Variants in CELF1 observed in about 807,000 individuals in gnomAD.
The protein encoded by CELF1 is CUGBP Elav-like family member 1.
CELF1 carries 10 observed loss-of-function variants against 61.8 expected under a neutral mutation model. That is an observed-to-expected ratio of 0.16 (90% CI 0.10 to 0.27). The LOEUF is 0.27. CELF1 is among the 10% of genes least tolerant of loss of function. The probability of loss-of-function intolerance (pLI) is 1.00; values close to 1 mark genes in which losing one functional copy is unlikely to be tolerated. For synonymous variants in CELF1, 236 were observed against 225.1 expected (o/e 1.05, Z -0.43); for missense variants, 380 against 639.1 (o/e 0.59, Z 4.37).
Position 47,472,469 on chromosome 11 carries a change from G to A in CELF1, c.1418-112C>T, listed in dbSNP as rs182007849. ...TCATCTCAAATCCCAATTTTATTCA[G>A]CAGGGACAAGAAATCTGGACATTAT... On this transcript the variant is annotated intron_variant, in intron 14 of 14. Transcript: ENST00000687097. 3.2e-4 allele frequency: 373 copies of A among 1,179,608 alleles called. 1 individual carries two copies. The highest frequency in any genetic ancestry group is 1.0e-3 in the Middle Eastern group (5 of 5,002). 73.1% of individuals were successfully genotyped at this position (1,179,608 alleles called of 1,614,324 possible). A position where few individuals can be genotyped will look rare whatever the true frequency, so the allele number is the denominator to read the frequency against.
chr11:47,487,791 A>G (rs1055055853), intron 4 of CELF1, among the ~76,000 whole-genome samples: 4 of 152,244 alleles, frequency 2.6e-5, no homozygotes, highest in African/African-American at 9.6e-5. Context: ...CTCATCAAAT[A>G]TAATTAAGCT....
intron 1 of CELF1, among the ~76,000 whole-genome samples, chr11:47,539,462 G>A (rs1392159860): frequency 1.3e-5 from 2 of 152,062 alleles, no homozygotes; most frequent in South Asian, 2.1e-4. Context: ...GACCAGTCAC[G>A]GCTAACATGG....
In CELF1 at chr11:47,466,426, T is replaced by C. The variant is rs1214228969; in HGVS notation, c.*5804A>G. The C allele has an allele frequency of 1.3e-5, 2 of 152,202 alleles. No individual in the cohort carries two copies. The highest frequency in any genetic ancestry group is 4.8e-5 in the African/African-American group (2 of 41,456). 9.4% of individuals were successfully genotyped at this position (152,202 alleles called of 1,614,324 possible). Reference sequence around the variant, plus strand: ...TTTGGTCATAGTGGCAATTTTTTTTTCTCTTCACATTGTGAAATCACTTTA... The same window carrying C: ...TTTGGTCATAGTGGCAATTTTTTTTCCTCTTCACATTGTGAAATCACTTTA... On this transcript the variant is annotated 3_prime_UTR_variant, in exon 15 of 15. Transcript: ENST00000687097.
intron 2 of CELF1, among the ~76,000 whole-genome samples, chr11:47,560,536 T>A (rs1376395808): frequency 1.3e-5 from 2 of 152,152 alleles, no homozygotes; most frequent in Non-Finnish European, 2.9e-5. Flanking sequence ...AATAGGCAGA[T>A]CCACTGAGAC....
chr11:47,525,277 A>T (rs1188006156), intron 1 of CELF1, among the ~76,000 whole-genome samples: 1 of 152,216 alleles, frequency 6.6e-6, no homozygotes, highest in East Asian at 1.9e-4. Context: ...TGGCTTATAT[A>T]ACCAGAAGCC....
chr11:47,564,752 C>T (rs2097239318), intron 1 of CELF1, among the ~76,000 whole-genome samples: 2 of 152,186 alleles, frequency 1.3e-5, no homozygotes, highest in African/African-American at 2.4e-5. Context: ...GATCTTGCGA[C>T]TGCCCTCTAG....
intron 2 of CELF1, among the ~76,000 whole-genome samples, chr11:47,500,598 T>A (rs1009672106): frequency 2.0e-5 from 3 of 152,192 alleles, no homozygotes; most frequent in African/African-American, 7.2e-5. Context: ...AGTCTCTTCA[T>A]TCTCTTTTTC....
chr11:47,503,816 A>AT (rs1333387666), intron 1 of CELF1, among the ~76,000 whole-genome samples: 1 of 152,180 alleles, frequency 6.6e-6, no homozygotes, highest in African/African-American at 2.4e-5. Flanking sequence ...CAAACTGGTA[A>AT]TTATCTCTGT....
chr11:47,477,423 A>G lies in CELF1; in HGVS notation c.847T>C (p.Leu283=). 1 of 1,613,550 alleles carries G rather than the reference A, an allele frequency of 6.2e-7. No homozygotes were observed. The highest frequency in any genetic ancestry group is 8.5e-7 in the Non-Finnish European group (1 of 1,179,800). ...TLSSLHPMGG[L]NAMQLQNLAA... ...AAATTCTGTAACTGCATTGCATTCAACCCTACAACATCCAAAGCAAGAGAT... is the reference window on the plus strand; with the variant it reads ...AAATTCTGTAACTGCATTGCATTCAGCCCTACAACATCCAAAGCAAGAGAT... Residue 283 remains leucine, a splice_region_variant and synonymous_variant, in exon 11 of 15, where the codon TTG becomes CTG. Coordinates refer to ENST00000687097, the MANE Select transcript of CELF1 (RefSeq NM_001376376.1).
chr11:47,510,430 CGAT>C (rs1471908968), intron 1 of CELF1, among the ~76,000 whole-genome samples: 1 of 152,166 alleles, frequency 6.6e-6, no homozygotes, highest in Non-Finnish European at 1.5e-5. Flanking sequence ...GCCTGTGGCA[CGAT>C]GATGTTCAAT....
Position 47,467,169 on chromosome 11 carries a change from C to T in CELF1, c.*5061G>A, listed in dbSNP as rs753021761. On this transcript the variant is annotated 3_prime_UTR_variant, in exon 15 of 15. Coordinates refer to ENST00000687097, the MANE Select transcript of CELF1 (RefSeq NM_001376376.1). ...ACTTCCCAGCTCACCCACCCACCAGCAGCTTAAGTCTGGGTGGGATCTATC... is the reference window on the plus strand; with the variant it reads ...ACTTCCCAGCTCACCCACCCACCAGTAGCTTAAGTCTGGGTGGGATCTATC... The T allele has an allele frequency of 6.6e-5, 10 of 152,408 alleles. No homozygotes were observed. The highest frequency in any genetic ancestry group is 1.2e-4 in the Non-Finnish European group (8 of 68,250). 9.4% of individuals were successfully genotyped at this position (152,408 alleles called of 1,614,324 possible). A position where few individuals can be genotyped will look rare whatever the true frequency, so the allele number is the denominator to read the frequency against.
At chr11:47,527,957 G>A (rs1237115503) in intron 1 of CELF1, among the ~76,000 whole-genome samples, 7 of 152,080 alleles carry the variant, frequency 4.6e-5, no homozygotes, top group African/African-American at 1.7e-4. Context: ...TTAGCTGGGC[G>A]TGGTGGTGCA....
At chr11:47,534,771 G>A (rs571286352) in intron 1 of CELF1, among the ~76,000 whole-genome samples, 26 of 152,070 alleles carry the variant, frequency 1.7e-4, no homozygotes, top group Non-Finnish European at 3.4e-4. Context: ...AGAAGTATAA[G>A]TTCAATCTCC....
At chr11:47,504,265 T>C (rs988456761) in intron 1 of CELF1, among the ~76,000 whole-genome samples, 1 of 150,306 alleles carries the variant, frequency 6.7e-6, no homozygotes, top group African/African-American at 2.5e-5. Context: ...GGGAGGGGGG[T>C]TAAAGAAGAA....
Position 47,472,236 on chromosome 11 carries a change from G to A in CELF1, c.1539C>T (p.Pro513=), listed in dbSNP as rs769878391. ...GTCTCAGAGGGGAGCACGCTCAGTA[G>A]GGCTTGCTGTCATTCTTCGAACGTT... is the stretch of plus-strand genomic sequence containing the variant. ...QLKRSKNDSK[P]Y The change falls in exon 15 of 15, where the codon CCC becomes CCT. Residue 513 remains proline (P), a synonymous_variant. Transcript: ENST00000687097. The A allele has an allele frequency of 1.2e-6, 2 of 1,613,864 alleles. No homozygotes were observed. Among genetic ancestry groups the A allele is most frequent in the Non-Finnish European group, 1.7e-6 (2 of 1,180,006 alleles).
At chr11:47,507,005 A>C (rs2094557779) in intron 1 of CELF1, 1 of 152,240 alleles carries the variant, frequency 6.6e-6, no homozygotes, top group African/African-American at 2.4e-5. Flanking sequence ...CCATGGCAGA[A>C]GATAAAAATA....
chr11:47,550,477 G>A (rs1329587524), intron 1 of CELF1, among the ~76,000 whole-genome samples: 4 of 152,182 alleles, frequency 2.6e-5, no homozygotes, highest in South Asian at 2.1e-4. Flanking sequence ...TGTGCAGTGA[G>A]CACTCCAGTA....
At chr11:47,482,541 C>T (rs1347039568) in intron 9 of CELF1, 154 bp downstream of exon 9, 1 of 608,620 alleles carries the variant, frequency 1.6e-6, no homozygotes. Flanking sequence ...AAGAGACTAA[C>T]AGGACTAAAA....
chr11:47,545,086 C>CAGCCTGGCCA (rs1005190162), intron 1 of CELF1, among the ~76,000 whole-genome samples: 2 of 152,006 alleles, frequency 1.3e-5, no homozygotes, highest in East Asian at 3.9e-4. Context: ...AGTTCAAGAT[C>CAGCCTGGCCA]AGCCTGGCCA....
Sources: allele counts gnomAD v4.1 joint callset (sites outside exome capture counted in the v4.1 genomes callset), GRCh38; gene constraint gnomAD v4.1.1; transcripts MANE v1.5; gene names NCBI Gene and HGNC (gene_info 2026-07-23, HGNC 2026-07-21).